Variants in SLC27A6 observed in about 807,000 individuals in gnomAD.
SLC27A6 encodes the protein solute carrier family 27 member 6.
Under a neutral mutation model 63.9 loss-of-function variants are expected in SLC27A6, and 74 were observed. The observed-to-expected ratio is 1.16, with a 90% CI of 0.96 to 1.40. SLC27A6 has a LOEUF of 1.40. SLC27A6 is among the 40% of genes most tolerant of loss of function. SLC27A6 has a pLI of 0.00. For synonymous variants in SLC27A6, 287 were observed against 260.8 expected (o/e 1.10, Z -0.97); for missense variants, 794 against 732.9 (o/e 1.08, Z -0.96).
In SLC27A6 at chr5:128,975,974, A is replaced by G. The variant is rs145226376; in HGVS notation, c.482-9159A>G. Among the ~76,000 whole-genome samples the G allele has an allele frequency of 3.9e-3, 590 of 152,266 alleles. 7 individuals are homozygous for G. The highest frequency in any genetic ancestry group is 0.014 in the African/African-American group (570 of 41,548). ...AACCATGAAGCCATTTAAACTTCCT[A>G]TTAAAATCAATTATTTTCTTTTGTA... On this transcript the variant is annotated intron_variant, in intron 1 of 9. Coordinates refer to ENST00000262462, the MANE Select transcript of SLC27A6 (RefSeq NM_001017372.3).
chr5:128,988,803 A>G, intron 3 of SLC27A6, 45 bp downstream of exon 3: 1 of 1,460,974 alleles, frequency 6.8e-7, no homozygotes, highest in Non-Finnish European at 9.4e-7. Flanking sequence ...AATGTCTAAT[A>G]ATTAGAACAA....
intron 2 of SLC27A6, 34 bp downstream of exon 2, chr5:128,985,370 T>A (rs766698722): frequency 4.4e-6 from 7 of 1,593,148 alleles, no homozygotes; most frequent in Non-Finnish European, 6.0e-6. Context: ...CTAAAATGAA[T>A]GCGAGAAATT....
intron 1 of SLC27A6, among the ~76,000 whole-genome samples, chr5:128,975,099 C>T (rs953087420): frequency 2.6e-5 from 4 of 152,128 alleles, no homozygotes; most frequent in African/African-American, 9.7e-5. Context: ...GCCTGTAATC[C>T]CAGCACTTTG....
Position 128,985,249 on chromosome 5 carries a change from T to A in SLC27A6, c.598T>A (p.Ser200Thr). The A allele has an allele frequency of 1.9e-6, 3 of 1,614,054 alleles. No individual in the cohort carries two copies. In the African/African-American group the frequency reaches 4.0e-5, roughly 22 times the overall value. ...TTCACTCAAAGAAAAACTGAGCACC[T>A]CACCTGATGAGCCCGTGCCACGCAG... is the stretch of plus-strand genomic sequence containing the variant. ...VISLKEKLSTSPDEPVPRSHH... is the reference protein window; with the variant it reads ...VISLKEKLSTTPDEPVPRSHH... The change falls in exon 2 of 10, where the codon TCA (serine) becomes ACA (threonine). Residue 200 changes from serine (S) to threonine (T), a missense_variant. Transcript: ENST00000262462.
intron 1 of SLC27A6, among the ~76,000 whole-genome samples, chr5:128,974,826 C>T (rs2150128960): frequency 6.6e-6 from 1 of 152,286 alleles, no homozygotes; most frequent in East Asian, 1.9e-4. Flanking sequence ...ATCTGATTCA[C>T]AGTATAATTC....
intron 1 of SLC27A6, among the ~76,000 whole-genome samples, chr5:128,983,121 T>C (rs1750648840): frequency 6.6e-6 from 1 of 152,106 alleles, no homozygotes; most frequent in African/African-American, 2.4e-5. Context: ...CAGATACTGA[T>C]TTATGTTTCC....
chr5:128,978,144 G>C (rs1458637202), intron 1 of SLC27A6, among the ~76,000 whole-genome samples: 1 of 152,114 alleles, frequency 6.6e-6, no homozygotes, highest in Non-Finnish European at 1.5e-5. Flanking sequence ...GGAAATAATA[G>C]TATTATAAAA....
intron 1 of SLC27A6, among the ~76,000 whole-genome samples, chr5:128,975,881 C>A (rs1285667735): frequency 6.6e-6 from 1 of 152,154 alleles, no homozygotes; most frequent in Non-Finnish European, 1.5e-5. Context: ...AGAGTCAGTG[C>A]CTCCATGGCC....
intron 5 of SLC27A6, among the ~76,000 whole-genome samples, chr5:129,021,242 T>A (rs984594387): frequency 6.6e-6 from 1 of 151,102 alleles, no homozygotes; most frequent in Non-Finnish European, 1.5e-5. Context: ...TTCCAAGGAC[T>A]TAGAGATCAC....
chr5:129,024,725 A>C (rs1371469290), intron 6 of SLC27A6, among the ~76,000 whole-genome samples: 1 of 152,200 alleles, frequency 6.6e-6, no homozygotes, highest in Non-Finnish European at 1.5e-5. Context: ...TTGTTTAGAG[A>C]TCCAGTATGG....
At chr5:128,989,836 A>G (rs1194425020) in intron 3 of SLC27A6, among the ~76,000 whole-genome samples, 1 of 151,706 alleles carries the variant, frequency 6.6e-6, no homozygotes, top group East Asian at 1.9e-4. Flanking sequence ...AGGCAGGAGA[A>G]TAGTATGAAC....
intron 4 of SLC27A6, among the ~76,000 whole-genome samples, chr5:129,012,518 T>C (rs1751758803): frequency 6.6e-6 from 1 of 152,148 alleles, no homozygotes; most frequent in Non-Finnish European, 1.5e-5. Context: ...CATGTTCTTA[T>C]GATTTTTTTC....
chr5:129,028,306 T>G, intron 7 of SLC27A6, 39 bp from the exon 8 acceptor site: 1 of 1,372,770 alleles, frequency 7.3e-7, no homozygotes, highest in African/African-American at 1.4e-5. Flanking sequence ...GTTTTTCAAA[T>G]ACAGGTGCAC....
At chr5:128,974,989 A>G (rs1289636261) in intron 1 of SLC27A6, among the ~76,000 whole-genome samples, 1 of 152,180 alleles carries the variant, frequency 6.6e-6, no homozygotes, top group African/African-American at 2.4e-5. Context: ...TGCAGCTACA[A>G]CCTTATTTGA....
chr5:129,016,128 C>G (rs371823143), intron 5 of SLC27A6, 49 bp downstream of exon 5: 8 of 1,371,636 alleles, frequency 5.8e-6, no homozygotes, highest in Non-Finnish European at 7.0e-6. Flanking sequence ...TGCGGTGGCT[C>G]ATACCTGTAA....
At position 128,966,296 on chromosome 5, in the gene SLC27A6, G is replaced by A; in HGVS notation, c.159G>A (p.Leu53=). 1 of 1,614,044 alleles carries A rather than the reference G, an allele frequency of 6.2e-7. No homozygotes were observed. The highest frequency in any genetic ancestry group is 1.1e-5 in the South Asian group (1 of 91,068). Residue 53 remains leucine (L), a synonymous_variant, in exon 1 of 10, where the codon CTG becomes CTA. Coordinates refer to ENST00000262462, the MANE Select transcript of SLC27A6 (RefSeq NM_001017372.3). The part of the protein sequence containing the change: ...RLKKYEKRGE[L]VTVLDKFLSH... Reference sequence around the variant, plus strand: ...AGAAGTATGAAAAGAGAGGGGAGCTGGTGACTGTGCTGGATAAATTCTTGA... The same window carrying A: ...AGAAGTATGAAAAGAGAGGGGAGCTAGTGACTGTGCTGGATAAATTCTTGA...
chr5:128,977,714 CT>C (rs146179841), intron 1 of SLC27A6, among the ~76,000 whole-genome samples: 75 of 152,276 alleles, frequency 4.9e-4, no homozygotes, highest in African/African-American at 1.6e-3. Flanking sequence ...CCTATCATGG[CT>C]GTAAGTGTTG....
intron 5 of SLC27A6, among the ~76,000 whole-genome samples, chr5:129,016,951 A>T (rs936545828): frequency 6.6e-6 from 1 of 152,216 alleles, no homozygotes; most frequent in African/African-American, 2.4e-5. Context: ...CTTGGAAAAA[A>T]TAACTGTCAA....
At chr5:128,979,287 A>T (rs557421016) in intron 1 of SLC27A6, among the ~76,000 whole-genome samples, 1 of 151,958 alleles carries the variant, frequency 6.6e-6, no homozygotes, top group Non-Finnish European at 1.5e-5. Flanking sequence ...CAGTAGCAGT[A>T]CATCCATAAC....
Sources: allele counts gnomAD v4.1 joint callset (sites outside exome capture counted in the v4.1 genomes callset), GRCh38; gene constraint gnomAD v4.1.1; transcripts MANE v1.5; gene names NCBI Gene and HGNC (gene_info 2026-07-23, HGNC 2026-07-21).